SLIT2: variants seen among roughly 807,000 people sequenced by gnomAD.
SLIT2 encodes the protein slit homolog 2 protein.
SLIT2 carries 41 observed loss-of-function variants against 185.7 expected under a neutral mutation model. That is an observed-to-expected ratio of 0.22 (90% CI 0.17 to 0.29). The LOEUF is 0.29. Among genes scored for constraint, SLIT2 ranks in the 10% least tolerant of loss-of-function variants. SLIT2 has a pLI of 1.00. For synonymous variants in SLIT2, 693 were observed against 680.2 expected, an observed-to-expected ratio of 1.02 and a Z score of -0.29; for missense variants, 1,571 against 1,909.0, an observed-to-expected ratio of 0.82 and a Z score of 3.30.
intron 33 of SLIT2, among the ~76,000 whole-genome samples, chr4:20,599,901 A>C (rs16869782): frequency 0.019 from 2,829 of 152,318 alleles, 91 homozygotes; most frequent in African/African-American, 0.064. Flanking sequence ...TTGATGCTTC[A>C]TAATAGTTCT....
At chr4:20,513,126 A>G (rs528369846) in intron 11 of SLIT2, among the ~76,000 whole-genome samples, 8 of 152,186 alleles carry the variant, frequency 5.3e-5, no homozygotes, top group African/African-American at 1.9e-4. Flanking sequence ...AGGCCTCATG[A>G]TGAGAGCACT....
intron 4 of SLIT2, among the ~76,000 whole-genome samples, chr4:20,433,536 G>A (rs1336714787): frequency 2.0e-5 from 3 of 152,116 alleles, no homozygotes; most frequent in South Asian, 2.1e-4. Context: ...ACAATAAAAC[G>A]TCATGTTATT....
chr4:20,546,701 G>A (rs1452316809), intron 22 of SLIT2, among the ~76,000 whole-genome samples: 2 of 151,706 alleles, frequency 1.3e-5, no homozygotes, highest in East Asian at 3.9e-4. Context: ...TTTTATTAAT[G>A]TAAACAACCT....
chr4:20,312,435 G>A (rs1718194386), intron 4 of SLIT2, among the ~76,000 whole-genome samples: 1 of 151,992 alleles, frequency 6.6e-6, no homozygotes, highest in Admixed American at 6.6e-5. Flanking sequence ...TATTGATAAA[G>A]TGTTATATAT....
At position 20,619,149 on chromosome 4, in the gene SLIT2, CT is replaced by C. The variant is rs1560247723; in HGVS notation, c.*147del. The C allele has an allele frequency of 4.9e-6, 4 of 809,302 alleles. No homozygotes were observed. Among genetic ancestry groups the C allele is most frequent in the African/African-American group, 1.8e-5 (1 of 55,946 alleles). 50.1% of individuals were successfully genotyped at this position (809,302 alleles called of 1,614,324 possible). ...CTTATTTTTATTATGAGAATAAAGA[CT>C]TTTTTTCTGCATTTGGAAAAAAAAA... On this transcript the variant is annotated 3_prime_UTR_variant, in exon 37 of 37. Transcript: ENST00000504154.
At chr4:20,445,496 A>G (rs1025595663) in intron 4 of SLIT2, among the ~76,000 whole-genome samples, 1 of 152,184 alleles carries the variant, frequency 6.6e-6, no homozygotes, top group Admixed American at 6.5e-5. Flanking sequence ...TTTGTTAGAC[A>G]TTGTCATTTC....
Position 20,595,909 on chromosome 4 carries a change from G to T in SLIT2, c.3320+75G>T, listed in dbSNP as rs905376381. The T allele has an allele frequency of 3.2e-6, 4 of 1,248,094 alleles. No individual in the cohort carries two copies. The African/African-American group carries it at 6.0e-5, about 19-fold the overall frequency. 77.3% of individuals were successfully genotyped at this position (1,248,094 alleles called of 1,614,324 possible). A position where few individuals can be genotyped will look rare whatever the true frequency, so the allele number is the denominator to read the frequency against. On this transcript the variant is annotated intron_variant, in intron 31 of 36. Coordinates refer to ENST00000504154, the MANE Select transcript of SLIT2 (RefSeq NM_004787.4). ...CAGGGTGACTATAGTCAGTAATAGT[G>T]TAATCGTACATTTTAAAATAACTAA...
chr4:20,539,547 C>G lies in SLIT2; in HGVS notation c.1939C>G (p.Pro647Ala). Residue 647 changes from proline (P) to alanine (A), a missense_variant, in exon 19 of 37, where the codon CCA (proline) becomes GCA (alanine). By Grantham distance (27) the Pro-to-Ala change is conservative. Coordinates refer to ENST00000504154, the MANE Select transcript of SLIT2 (RefSeq NM_004787.4). ...TGATAATCAAATTACTACAGTTGCA[C>G]CAGGGGCATTTGATACTCTCCATTC... ...LYDNQITTVA[P>A]GAFDTLHSLS... 1.2e-6 allele frequency: 2 copies of G among 1,612,558 alleles called. No individual in the cohort carries two copies. Among genetic ancestry groups the G allele is most frequent in the Non-Finnish European group, 1.7e-6 (2 of 1,178,812 alleles).
At chr4:20,439,553 G>A (rs1450782542) in intron 4 of SLIT2, among the ~76,000 whole-genome samples, 2 of 152,288 alleles carry the variant, frequency 1.3e-5, no homozygotes, top group African/African-American at 2.4e-5. Context: ...TAAGGACACC[G>A]ATAATATCGG....
intron 9 of SLIT2, among the ~76,000 whole-genome samples, chr4:20,504,497 A>G (rs1719019616): frequency 6.6e-6 from 1 of 152,174 alleles, no homozygotes. Context: ...CCCAAATTAC[A>G]GATAGTGCTA....
intron 4 of SLIT2, among the ~76,000 whole-genome samples, chr4:20,397,000 T>G (rs1337121537): frequency 6.6e-6 from 1 of 151,514 alleles, no homozygotes; most frequent in Non-Finnish European, 1.5e-5. Context: ...ACGCATATAT[T>G]TCCATAATAT....
chr4:20,419,469 A>G (rs942629521), intron 4 of SLIT2, among the ~76,000 whole-genome samples: 6 of 152,124 alleles, frequency 3.9e-5, no homozygotes, highest in African/African-American at 1.4e-4. Flanking sequence ...GGGCTTCTCC[A>G]GTTGTTCTTG....
intron 6 of SLIT2, among the ~76,000 whole-genome samples, chr4:20,481,570 C>G (rs1179026852): frequency 6.6e-6 from 1 of 151,962 alleles, no homozygotes; most frequent in Non-Finnish European, 1.5e-5. Context: ...TTTTTCTCTG[C>G]TTTATTTCAT....
chr4:20,536,032 T>C (rs1270851904), intron 18 of SLIT2, among the ~76,000 whole-genome samples: 2 of 152,192 alleles, frequency 1.3e-5, no homozygotes, highest in Non-Finnish European at 2.9e-5. Flanking sequence ...TACTGAATAC[T>C]GTAGGCAATT....
intron 4 of SLIT2, among the ~76,000 whole-genome samples, chr4:20,431,971 T>TTG (rs142488449): frequency 1.1e-4 from 16 of 151,122 alleles, no homozygotes; most frequent in East Asian, 1.9e-4. Context: ...CTGTGTGTGT[T>TTG]TGTGTGTGTG....
At position 20,472,588 on chromosome 4, in the gene SLIT2, A is replaced by ATCGATATATATAGATATATC. The variant is rs373138612; in HGVS notation, c.467+4765_467+4766insTCGATATATATAGATATATC. 8.5e-3 allele frequency among the ~76,000 whole-genome samples: 105 copies of ATCGATATATATAGATATATC among 12,318 alleles called. 36 individuals carry two copies. The highest frequency in any genetic ancestry group is 0.068 in the African/African-American group (96 of 1,420). The allele number at this position is 12,318 out of a possible 152,430, so 8.1% of individuals were successfully genotyped here. A position where few individuals can be genotyped will look rare whatever the true frequency, so the allele number is the denominator to read the frequency against. On this transcript the variant is annotated intron_variant, in intron 5 of 36. Coordinates refer to ENST00000504154, the MANE Select transcript of SLIT2 (RefSeq NM_004787.4). ...TCTATATATAGATATATCTATATAT[A>ATCGATATATATAGATATATC]GATATATATCTATAGATATATCTAT...
intron 4 of SLIT2, among the ~76,000 whole-genome samples, chr4:20,458,430 A>G (rs1713330448): frequency 6.6e-6 from 1 of 152,206 alleles, no homozygotes; most frequent in Non-Finnish European, 1.5e-5. Context: ...GGTTACCAAC[A>G]TGGGGTTCAA....
intron 3 of SLIT2, among the ~76,000 whole-genome samples, chr4:20,262,271 C>T (rs1712552759): frequency 1.3e-5 from 2 of 151,688 alleles, no homozygotes; most frequent in African/African-American, 2.4e-5. Flanking sequence ...CATATCACTC[C>T]TAAGCATGGG....
intron 11 of SLIT2, among the ~76,000 whole-genome samples, chr4:20,516,005 CAG>C (rs1271505856): frequency 6.6e-6 from 1 of 152,160 alleles, no homozygotes; most frequent in Non-Finnish European, 1.5e-5. Flanking sequence ...TTAGTAGAGA[CAG>C]GGTTTCACTG....
Sources: gnomAD v4.1 joint callset for allele counts (sites outside exome capture counted in the v4.1 genomes callset) on GRCh38, gnomAD v4.1.1 for gene constraint, MANE v1.5 for transcripts, NCBI Gene and HGNC (gene_info 2026-07-23, HGNC 2026-07-21) for gene names.